Variants in NRXN1 observed in about 807,000 individuals in gnomAD.
NRXN1 encodes neurexin-1.
NRXN1 carries 39 observed loss-of-function variants against 150.9 expected under a neutral mutation model. That is an observed-to-expected ratio of 0.26 (90% CI 0.20 to 0.34). NRXN1 has a LOEUF of 0.34. Ranked by LOEUF, NRXN1 falls within the 10% of genes least tolerant of loss-of-function variation. NRXN1 has a pLI of 1.00. For missense variants in NRXN1, 1,815 were observed against 1,949.9 expected (o/e 0.93, Z 1.30); for synonymous variants, 924 against 757.0 (o/e 1.22, Z -3.62).
intron 5 of NRXN1, among the ~76,000 whole-genome samples, chr2:50,836,930 T>A (rs546940970): frequency 2.7e-5 from 4 of 149,782 alleles, no homozygotes; most frequent in African/African-American, 9.8e-5. Flanking sequence ...AAAAATCAGA[T>A]AAAACTGAAA....
At chr2:50,225,215 G>A (rs1368139669) in intron 18 of NRXN1, among the ~76,000 whole-genome samples, 2 of 151,870 alleles carry the variant, frequency 1.3e-5, no homozygotes, top group African/African-American at 2.4e-5. Flanking sequence ...TGGAGTGAGC[G>A]CCTGCATGAC....
intron 5 of NRXN1, among the ~76,000 whole-genome samples, chr2:50,787,580 AAACAACAAC>A (rs141444424): frequency 1.1e-4 from 17 of 151,638 alleles, no homozygotes; most frequent in South Asian, 2.1e-4. Context: ...AAACAAAACA[AAACAACAAC>A]AACAACAACA....
At chr2:50,019,947 CAAAAAAAAAA>C (rs1161865745) in intron 21 of NRXN1, among the ~76,000 whole-genome samples, 14 of 43,362 alleles carry the variant, frequency 3.2e-4, no homozygotes, top group East Asian at 1.9e-3. Context: ...GACTCCGTCT[CAAAAAAAAAA>C]AAAAAAAAAA....
chr2:50,509,574 C>T (rs1490423202), intron 12 of NRXN1, among the ~76,000 whole-genome samples: 1 of 152,106 alleles, frequency 6.6e-6, no homozygotes, highest in African/African-American at 2.4e-5. Context: ...CTTTACAGTT[C>T]CTTTAGAATT....
chr2:50,444,227 G>A (rs910476163), intron 17 of NRXN1, among the ~76,000 whole-genome samples: 1 of 152,096 alleles, frequency 6.6e-6, no homozygotes, highest in African/African-American at 2.4e-5. Flanking sequence ...TAGCCTTGGG[G>A]TATCCATTCT....
chr2:50,356,594 T>C (rs1344866263), intron 17 of NRXN1, among the ~76,000 whole-genome samples: 2 of 152,180 alleles, frequency 1.3e-5, no homozygotes, highest in East Asian at 1.9e-4. Context: ...CAGGTGTTAG[T>C]AGATCCAAAG....
At chr2:50,367,016 A>G (rs945359850) in intron 17 of NRXN1, among the ~76,000 whole-genome samples, 2 of 151,992 alleles carry the variant, frequency 1.3e-5, no homozygotes, top group Admixed American at 6.6e-5. Context: ...ATGGGTGAGT[A>G]CGCCAGCTGA....
chr2:50,810,715 C>A lies in NRXN1; in HGVS notation c.832+111154G>T, dbSNP rs1668097314. ...GTTTGCATCTTGTCCAGGCAGGTGGCTCATGCCTGTAATCCCAGCACTTTG... is the reference window on the plus strand; with the variant it reads ...GTTTGCATCTTGTCCAGGCAGGTGGATCATGCCTGTAATCCCAGCACTTTG... On this transcript the variant is annotated intron_variant, in intron 5 of 22. Transcript: ENST00000401669. 2.0e-5 allele frequency among the ~76,000 whole-genome samples: 3 copies of A among 152,130 alleles called. 1 individual carries two copies. The highest frequency in any genetic ancestry group is 7.2e-5 in the African/African-American group (3 of 41,436).
Position 50,395,182 on chromosome 2 carries a change from T to C in NRXN1, c.3364+70260A>G, listed in dbSNP as rs1194669853. ...TTCTAGGAGGATAAGAATTCTATTT[T>C]GTTTACACTTGCCCATAAAGCCTGA... On this transcript the variant is annotated intron_variant, in intron 17 of 22. Transcript: ENST00000401669. Among the ~76,000 whole-genome samples the C allele has an allele frequency of 3.3e-5, 5 of 151,922 alleles. No individual in the cohort carries two copies. In the East Asian group the frequency reaches 7.8e-4, roughly 24 times the overall value.
chr2:50,403,772 TTGA>T (rs2082554801), intron 17 of NRXN1, among the ~76,000 whole-genome samples: 1 of 152,126 alleles, frequency 6.6e-6, no homozygotes, highest in African/African-American at 2.4e-5. Flanking sequence ...AGTATCTGTG[TTGA>T]TAAGAATTTT....
At chr2:50,643,462 G>A (rs1684350517) in intron 5 of NRXN1, among the ~76,000 whole-genome samples, 1 of 151,642 alleles carries the variant, frequency 6.6e-6, no homozygotes, top group Admixed American at 6.6e-5. Flanking sequence ...TTACTTCATG[G>A]CAAGCTGCTT....
chr2:50,317,320 C>G (rs2075689368), intron 17 of NRXN1, among the ~76,000 whole-genome samples: 1 of 151,770 alleles, frequency 6.6e-6, no homozygotes. Flanking sequence ...CAGACAGACA[C>G]ATGAGCAAGA....
At chr2:50,599,413 G>C (rs968519285) in intron 8 of NRXN1, among the ~76,000 whole-genome samples, 5 of 152,122 alleles carry the variant, frequency 3.3e-5, no homozygotes, top group African/African-American at 7.2e-5. Context: ...GTTGAAATCT[G>C]ACTTCTCGGT....
intron 18 of NRXN1, among the ~76,000 whole-genome samples, chr2:50,112,314 T>A (rs1212789017): frequency 6.6e-6 from 1 of 152,212 alleles, no homozygotes; most frequent in Non-Finnish European, 1.5e-5. Context: ...ACTGTATCAC[T>A]ATGCTTAATG....
intron 10 of NRXN1, among the ~76,000 whole-genome samples, chr2:50,538,003 T>C (rs748269946): frequency 4.6e-5 from 7 of 152,206 alleles, no homozygotes; most frequent in South Asian, 2.1e-4. Flanking sequence ...GCTCATACTC[T>C]AGAGGATACT....
At chr2:50,683,646 A>AAAAAAAAAAAAAAAAATATATATAT in intron 5 of NRXN1, among the ~76,000 whole-genome samples, 18 of 14,884 alleles carry the variant, frequency 1.2e-3, no homozygotes, top group Non-Finnish European at 1.3e-3. Context: ...AAAAAAAAAA[A>AAAAAAAAAAAAAAAAATATATATAT]ATATATATAT....
At chr2:50,453,698 A>G (rs1019276766) in intron 17 of NRXN1, among the ~76,000 whole-genome samples, 3 of 152,294 alleles carry the variant, frequency 2.0e-5, no homozygotes, top group Admixed American at 6.5e-5. Context: ...ATACCACATC[A>G]AATGGACATT....
chr2:50,624,466 G>T (rs899076801), intron 5 of NRXN1, among the ~76,000 whole-genome samples: 1 of 152,082 alleles, frequency 6.6e-6, no homozygotes, highest in Admixed American at 6.6e-5. Context: ...AATTTTCAGT[G>T]AAACATTTAT....
chr2:50,318,117 A>T (rs555520734), intron 17 of NRXN1, among the ~76,000 whole-genome samples: 15 of 152,234 alleles, frequency 9.9e-5, no homozygotes, highest in African/African-American at 3.6e-4. Context: ...CAATAAAGAA[A>T]TGATAAATAA....
Sources: allele counts gnomAD v4.1 joint callset (sites outside exome capture counted in the v4.1 genomes callset), GRCh38; gene constraint gnomAD v4.1.1; transcripts MANE v1.5; gene names NCBI Gene and HGNC (gene_info 2026-07-23, HGNC 2026-07-21).